Variants in ZMYND11 observed in about 807,000 individuals in gnomAD.
The protein encoded by ZMYND11 is zinc finger MYND-type containing 11.
In ZMYND11, 9 loss-of-function variants were observed where a neutral mutation model predicts 84.9. That is an observed-to-expected ratio of 0.11 (90% CI 0.06 to 0.18). The LOEUF is 0.18. ZMYND11 is among the 10% of genes least tolerant of loss of function. The pLI is 1.00. For missense variants in ZMYND11, 409 were observed against 761.0 expected (o/e 0.54, Z 5.44); for synonymous variants, 250 against 244.1 (o/e 1.02, Z -0.23).
chr10:186,367 G>A (rs995149774), intron 2 of ZMYND11, among the ~76,000 whole-genome samples: 1 of 151,670 alleles, frequency 6.6e-6, no homozygotes, highest in African/African-American at 2.4e-5. Context: ...TTCCGGCCGG[G>A]CGCCATGGCT....
intron 2 of ZMYND11, chr10:197,861 C>T (rs930066550): frequency 3.9e-6 from 2 of 518,538 alleles, no homozygotes; most frequent in Non-Finnish European, 6.9e-6. Context: ...TACTTTTTTC[C>T]AACTACAAAG....
At chr10:147,042 C>A (rs1307004797) in intron 1 of ZMYND11, among the ~76,000 whole-genome samples, 1 of 152,220 alleles carries the variant, frequency 6.6e-6, no homozygotes, top group Non-Finnish European at 1.5e-5. Context: ...TGGACTAATA[C>A]ACTCAGCTTG....
chr10:155,126 T>C (rs782708270), intron 1 of ZMYND11, among the ~76,000 whole-genome samples: 28 of 152,214 alleles, frequency 1.8e-4, no homozygotes, highest in Admixed American at 2.0e-4. Context: ...AAGCATCTCA[T>C]ATGGTTAAAA....
chr10:182,887 A>C (rs1848175712), intron 2 of ZMYND11, among the ~76,000 whole-genome samples: 1 of 152,222 alleles, frequency 6.6e-6, no homozygotes, highest in Non-Finnish European at 1.5e-5. Flanking sequence ...TTCAAGCCTT[A>C]GATTCATTTT....
At chr10:143,403 G>A (rs890959330) in intron 1 of ZMYND11, among the ~76,000 whole-genome samples, 3 of 152,032 alleles carry the variant, frequency 2.0e-5, no homozygotes, top group Non-Finnish European at 4.4e-5. Context: ...TTTCTATCTC[G>A]AAAGTATGTC....
chr10:175,820 C>T (rs1846481181), intron 1 of ZMYND11, among the ~76,000 whole-genome samples: 1 of 152,080 alleles, frequency 6.6e-6, no homozygotes, highest in South Asian at 2.1e-4. Flanking sequence ...AGTGCTAATA[C>T]ACTTTGGGGA....
chr10:239,315 C>A, intron 6 of ZMYND11, 123 bp from the exon 7 acceptor site: 1 of 732,876 alleles, frequency 1.4e-6, no homozygotes, highest in Non-Finnish European at 2.3e-6. Context: ...TCTGTCAATA[C>A]TGTGGGATGG....
At chr10:198,746 T>C (rs1942387954) in intron 2 of ZMYND11, among the ~76,000 whole-genome samples, 1 of 152,220 alleles carries the variant, frequency 6.6e-6, no homozygotes, top group Non-Finnish European at 1.5e-5. Context: ...AATAGGTACT[T>C]GCATATTGCA....
upstream of ZMYND11, among the ~76,000 whole-genome samples, chr10:131,499 A>G (rs1835311832): frequency 6.6e-6 from 1 of 152,114 alleles, no homozygotes; most frequent in Admixed American, 6.5e-5. Context: ...TGGAAGAATC[A>G]TGGCTTTCAA....
chr10:237,279 C>T (rs1182761879), intron 5 of ZMYND11, among the ~76,000 whole-genome samples: 1 of 152,152 alleles, frequency 6.6e-6, no homozygotes, highest in Admixed American at 6.5e-5. Flanking sequence ...TCATATTAAA[C>T]TATATAGTAG....
At chr10:231,390 T>G (rs2436030) in intron 4 of ZMYND11, among the ~76,000 whole-genome samples, 1 of 152,010 alleles carries the variant, frequency 6.6e-6, no homozygotes, top group African/African-American at 2.4e-5. Flanking sequence ...GAAGTCTAGA[T>G]TTCCAATTTT....
chr10:168,359 G>A (rs1015315908), intron 1 of ZMYND11, among the ~76,000 whole-genome samples: 1 of 152,036 alleles, frequency 6.6e-6, no homozygotes, highest in East Asian at 1.9e-4. Context: ...ATGTGTACCT[G>A]TGGTCCCTCG....
At chr10:183,272 T>C (rs918081378) in intron 2 of ZMYND11, among the ~76,000 whole-genome samples, 1 of 151,736 alleles carries the variant, frequency 6.6e-6, no homozygotes, top group Non-Finnish European at 1.5e-5. Flanking sequence ...CCATTGGTTG[T>C]GATTTTTCCA....
intron 2 of ZMYND11, among the ~76,000 whole-genome samples, chr10:209,622 T>A (rs1944815250): frequency 2.0e-5 from 3 of 152,208 alleles, no homozygotes; most frequent in Admixed American, 6.5e-5. Flanking sequence ...ATTCGCTGAT[T>A]TGGGACTATT....
intron 1 of ZMYND11, among the ~76,000 whole-genome samples, chr10:140,913 A>G (rs113204808): frequency 1.3e-5 from 2 of 152,254 alleles, no homozygotes; most frequent in Non-Finnish European, 2.9e-5. Flanking sequence ...GCCCACTTTT[A>G]TGTAAAACTA....
chr10:239,561 AAC>A (rs779475361), intron 7 of ZMYND11, 36 bp downstream of exon 7: 3 of 1,394,182 alleles, frequency 2.2e-6, no homozygotes, highest in Non-Finnish European at 2.0e-6. Flanking sequence ...TGCATTTTTA[AAC>A]ACACCATTTA....
intron 4 of ZMYND11, among the ~76,000 whole-genome samples, chr10:235,413 C>T (rs1333512574): frequency 1.3e-5 from 2 of 151,964 alleles, no homozygotes; most frequent in Non-Finnish European, 2.9e-5. Context: ...CTCCCCCCGC[C>T]CCCACCAGAA....
chr10:144,241 C>T (rs1216647967), intron 1 of ZMYND11, among the ~76,000 whole-genome samples: 1 of 152,052 alleles, frequency 6.6e-6, no homozygotes, highest in Non-Finnish European at 1.5e-5. Context: ...TTTTTTACGA[C>T]AGAATCTTGC....
At chr10:241,878 A>AAAAAAAATCTCGTATGTG in intron 9 of ZMYND11, 143 bp from the exon 10 acceptor site, 1 of 1,031,612 alleles carries the variant, frequency 9.7e-7, no homozygotes, top group Non-Finnish European at 1.4e-6. Flanking sequence ...TCAATCCCAG[A>AAAAAAAATCTCGTATGTG]AAAAAAATCT....
Sources: allele counts gnomAD v4.1 joint callset (sites outside exome capture counted in the v4.1 genomes callset), GRCh38; gene constraint gnomAD v4.1.1; transcripts MANE v1.5; gene names NCBI Gene and HGNC (gene_info 2026-07-23, HGNC 2026-07-21).